Variants in SLC25A21 observed in about 807,000 individuals in gnomAD.
The protein encoded by SLC25A21 is solute carrier family 25 member 21.
A neutral mutation model predicts 43.8 loss-of-function variants in SLC25A21; 47 were observed. The observed-to-expected ratio is 1.07, with a 90% CI of 0.85 to 1.37. The LOEUF (loss-of-function observed/expected upper bound fraction) is 1.37, where lower values mean the gene tolerates loss of function less well. Among genes scored for constraint, SLC25A21 ranks in the 40% most tolerant of loss-of-function variants. SLC25A21 has a pLI of 0.00. For synonymous variants in SLC25A21, 131 were observed against 121.3 expected, an observed-to-expected ratio of 1.08 and a Z score of -0.52; for missense variants, 352 against 350.2, an observed-to-expected ratio of 1.00 and a Z score of -0.04.
chr14:36,833,293 C>T (rs1889098734), intron 2 of SLC25A21, among the ~76,000 whole-genome samples: 1 of 152,178 alleles, frequency 6.6e-6, no homozygotes, highest in South Asian at 2.1e-4. Context: ...TAATTTGAAG[C>T]AGTTCCCTTG....
At chr14:36,714,023 GA>G (rs1285646424) in intron 6 of SLC25A21, among the ~76,000 whole-genome samples, 2 of 150,584 alleles carry the variant, frequency 1.3e-5, no homozygotes, top group Admixed American at 6.6e-5. Context: ...AACAAAAAAA[GA>G]AAAAAAAATC....
chr14:36,876,695 A>G (rs1890536362), intron 1 of SLC25A21, among the ~76,000 whole-genome samples: 1 of 152,030 alleles, frequency 6.6e-6, no homozygotes, highest in South Asian at 2.1e-4. Flanking sequence ...GCCTTCATGG[A>G]CTCATCATTT....
At chr14:37,008,132 T>C (rs921207254) in intron 1 of SLC25A21, among the ~76,000 whole-genome samples, 6 of 152,048 alleles carry the variant, frequency 3.9e-5, no homozygotes, top group Admixed American at 6.6e-5. Context: ...CCTCAGCCTC[T>C]GAAAGTGCTG....
intron 7 of SLC25A21, among the ~76,000 whole-genome samples, chr14:36,693,935 T>C (rs1413245503): frequency 6.6e-6 from 1 of 152,202 alleles, no homozygotes; most frequent in Admixed American, 6.5e-5. Flanking sequence ...TATTATACTT[T>C]AAGTTCTAGG....
At chr14:37,003,155 TA>T (rs1177000996) in intron 1 of SLC25A21, among the ~76,000 whole-genome samples, 9 of 152,204 alleles carry the variant, frequency 5.9e-5, no homozygotes, top group Non-Finnish European at 8.8e-5. Flanking sequence ...GTTTAATTTA[TA>T]AATTAGGCAC....
chr14:37,159,154 T>C (rs949143644), intron 1 of SLC25A21, among the ~76,000 whole-genome samples: 8 of 151,670 alleles, frequency 5.3e-5, no homozygotes, highest in African/African-American at 1.9e-4. Context: ...AATGACAAGA[T>C]TGCCCAAAGC....
chr14:36,751,668 A>C (rs762252138), intron 3 of SLC25A21, among the ~76,000 whole-genome samples: 7 of 152,184 alleles, frequency 4.6e-5, no homozygotes, highest in Non-Finnish European at 8.8e-5. Context: ...ATCAGCAAGT[A>C]TTTCATGGGC....
At chr14:36,707,128 C>T (rs140429688) in intron 7 of SLC25A21, among the ~76,000 whole-genome samples, 1,713 of 152,292 alleles carry the variant, frequency 0.011, 17 homozygotes, top group Non-Finnish European at 0.016. Flanking sequence ...AGAGCCTTTG[C>T]GCTAGATGCT....
intron 1 of SLC25A21, among the ~76,000 whole-genome samples, chr14:37,118,281 AC>A (rs1963142837): frequency 2.0e-5 from 3 of 151,536 alleles, no homozygotes; most frequent in Non-Finnish European, 4.4e-5. Flanking sequence ...AGATCCACCA[AC>A]AAGTCCTGTG....
intron 6 of SLC25A21, among the ~76,000 whole-genome samples, chr14:36,724,143 T>C (rs1440955733): frequency 6.6e-6 from 1 of 152,214 alleles, no homozygotes; most frequent in African/African-American, 2.4e-5. Context: ...AAACGAAAAC[T>C]AGAATACAGA....
intron 5 of SLC25A21, among the ~76,000 whole-genome samples, chr14:36,727,639 G>C (rs1884654554): frequency 1.3e-5 from 2 of 151,978 alleles, no homozygotes; most frequent in Admixed American, 1.3e-4. Flanking sequence ...AGCGAGCTGA[G>C]ATCATGCCAC....
rs138203703 is a variant in SLC25A21 at position 37,081,518 on chromosome 14, T to C, written c.70+90763A>G. 3.2e-4 allele frequency among the ~76,000 whole-genome samples: 49 copies of C among 152,300 alleles called. No individual in the cohort carries two copies. The East Asian group carries it at 9.5e-3, about 29-fold the overall frequency. ...TGGTTGTCTCCAAATGGTCCCTGTC[T>C]CCCAAGACTGTTGTATCAAACAGGA... On this transcript the variant is annotated intron_variant, in intron 1 of 9. Coordinates refer to ENST00000331299, the MANE Select transcript of SLC25A21 (RefSeq NM_030631.4).
intron 1 of SLC25A21, among the ~76,000 whole-genome samples, chr14:36,999,135 G>A (rs1249781047): frequency 1.3e-5 from 2 of 152,110 alleles, no homozygotes; most frequent in Non-Finnish European, 2.9e-5. Flanking sequence ...CCAAAACTGG[G>A]AAGCAGTAGG....
At chr14:36,767,608 T>C (rs937368129) in intron 3 of SLC25A21, among the ~76,000 whole-genome samples, 2 of 152,114 alleles carry the variant, frequency 1.3e-5, no homozygotes, top group Non-Finnish European at 2.9e-5. Flanking sequence ...AAAGTTGGAG[T>C]GAGTCAAATG....
At chr14:37,093,849 A>G (rs1409141360) in intron 1 of SLC25A21, among the ~76,000 whole-genome samples, 1 of 152,220 alleles carries the variant, frequency 6.6e-6, no homozygotes, top group South Asian at 2.1e-4. Context: ...AAACCTAAGT[A>G]GTAACTTAAA....
intron 1 of SLC25A21, among the ~76,000 whole-genome samples, chr14:37,013,680 C>T (rs1960782732): frequency 1.3e-5 from 2 of 152,158 alleles, no homozygotes; most frequent in Non-Finnish European, 2.9e-5. Flanking sequence ...ACCCCCCTCA[C>T]CACTCTGAAA....
At chr14:36,772,033 G>A (rs1482827395) in intron 3 of SLC25A21, among the ~76,000 whole-genome samples, 4 of 152,088 alleles carry the variant, frequency 2.6e-5, no homozygotes, top group East Asian at 1.9e-4. Flanking sequence ...TGGGGCCAAC[G>A]AACAGGAAAG....
intron 1 of SLC25A21, among the ~76,000 whole-genome samples, chr14:36,925,315 C>A (rs1892100719): frequency 6.6e-6 from 1 of 152,026 alleles, no homozygotes; most frequent in Admixed American, 6.6e-5. Context: ...AAGATGTAAA[C>A]CCCAATTATA....
chr14:36,920,018 T>C (rs1369811148), intron 1 of SLC25A21, among the ~76,000 whole-genome samples: 1 of 152,070 alleles, frequency 6.6e-6, no homozygotes, highest in East Asian at 1.9e-4. Context: ...TAATTTTAAC[T>C]CTGGAAATCA....
Sources: allele counts gnomAD v4.1 joint callset (sites outside exome capture counted in the v4.1 genomes callset), GRCh38; gene constraint gnomAD v4.1.1; transcripts MANE v1.5; gene names NCBI Gene and HGNC (gene_info 2026-07-23, HGNC 2026-07-21).